MEGF11: variants seen among roughly 807,000 people sequenced by gnomAD.
The protein encoded by MEGF11 is multiple epidermal growth factor-like domains protein 11.
In MEGF11, 126 loss-of-function variants were observed where a neutral mutation model predicts 146.6. The ratio of observed to expected loss-of-function variants is 0.86; its 90% CI spans 0.74 to 1.00. MEGF11 has a LOEUF of 1.00. Ranked by LOEUF, MEGF11 falls within the 50% of genes least tolerant of loss-of-function variation. The probability of loss-of-function intolerance (pLI) is 0.00; values close to 1 mark genes in which losing one functional copy is unlikely to be tolerated. For synonymous variants in MEGF11, 532 were observed against 583.4 expected (o/e 0.91, Z 1.27); for missense variants, 1,509 against 1,521.2 (o/e 0.99, Z 0.13).
chr15:65,906,985 ATTGT>A (rs1478836414), intron 23 of MEGF11, among the ~76,000 whole-genome samples: 1 of 152,180 alleles, frequency 6.6e-6, no homozygotes, highest in African/African-American at 2.4e-5. Context: ...CAGAAAAGAA[ATTGT>A]TTGGCATTTC....
chr15:66,013,661 C>A (rs2082782843), intron 5 of MEGF11, among the ~76,000 whole-genome samples: 1 of 152,034 alleles, frequency 6.6e-6, no homozygotes, highest in East Asian at 1.9e-4. Context: ...CATCATGATT[C>A]TTTTGAAGGA....
rs76602618 is a variant in MEGF11 at position 66,097,631 on chromosome 15, C to G, written c.302-3137G>C. On this transcript the variant is annotated intron_variant, in intron 4 of 25. Transcript: ENST00000395614. The stretch of plus-strand genomic sequence containing the variant: ...ACCAGCCGTGTGATGGGGCCAGCCA[C>G]TCACCCTCTCCTGGCCCCACCAAGA... 1.5e-3 allele frequency among the ~76,000 whole-genome samples: 227 copies of G among 152,158 alleles called. 2 individuals carry two copies. The highest frequency in any genetic ancestry group is 1.5e-3 in the East Asian group (8 of 5,174).
At chr15:66,020,333 T>C (rs1945870310) in intron 5 of MEGF11, among the ~76,000 whole-genome samples, 1 of 152,120 alleles carries the variant, frequency 6.6e-6, no homozygotes, top group South Asian at 2.1e-4. Context: ...TGCTATTACT[T>C]GGGAAGAGAA....
intron 5 of MEGF11, among the ~76,000 whole-genome samples, chr15:66,003,687 C>G (rs1301715523): frequency 6.6e-6 from 1 of 152,168 alleles, no homozygotes; most frequent in African/African-American, 2.4e-5. Context: ...ACTGCCCTGC[C>G]AAGAGCCTCT....
rs933209688 is a variant in MEGF11, at chr15:65,932,834, C to T, written c.1288-1891G>A. Among the ~76,000 whole-genome samples, 6 of 152,166 alleles carry T rather than the reference C, an allele frequency of 3.9e-5. No homozygotes were observed. The East Asian group carries it at 1.2e-3, about 30-fold the overall frequency. Reference sequence around the variant, plus strand: ...TCTCCAGCCAGCGTCTCAGGCCTTACACCTAAGCTTTCCGTGGGAATCCTG... The same window carrying T: ...TCTCCAGCCAGCGTCTCAGGCCTTATACCTAAGCTTTCCGTGGGAATCCTG... On this transcript the variant is annotated intron_variant, in intron 10 of 25. Coordinates refer to ENST00000395614, the MANE Select transcript of MEGF11 (RefSeq NM_001385028.1).
intron 5 of MEGF11, among the ~76,000 whole-genome samples, chr15:65,994,073 G>A (rs1303629058): frequency 6.6e-6 from 1 of 152,168 alleles, no homozygotes; most frequent in Admixed American, 6.5e-5. Context: ...CTGTGTTTTC[G>A]ACCTGGATCC....
At chr15:65,944,051 A>G (rs112614354) in intron 10 of MEGF11, among the ~76,000 whole-genome samples, 2,822 of 152,294 alleles carry the variant, frequency 0.019, 49 homozygotes, top group Non-Finnish European at 0.026. Flanking sequence ...GTGCATTCAC[A>G]TTTTAGGGGA....
chr15:66,059,067 G>C (rs1420359466), intron 5 of MEGF11, among the ~76,000 whole-genome samples: 1 of 152,124 alleles, frequency 6.6e-6, no homozygotes, highest in African/African-American at 2.4e-5. Flanking sequence ...CCCAGTGACT[G>C]TTGAATATTT....
intron 19 of MEGF11, chr15:65,914,239 G>T (rs556222585): frequency 1.6e-4 from 86 of 534,630 alleles, no homozygotes; most frequent in African/African-American, 1.4e-3. Context: ...CCAAAAATGA[G>T]TTAACAGATA....
intron 1 of MEGF11, among the ~76,000 whole-genome samples, chr15:66,135,351 C>T (rs1183603359): frequency 6.6e-6 from 1 of 152,236 alleles, no homozygotes; most frequent in Admixed American, 6.5e-5. Flanking sequence ...ATTATCAAGG[C>T]AGATCTCATC....
intron 1 of MEGF11, among the ~76,000 whole-genome samples, chr15:66,143,404 C>T (rs2089244836): frequency 2.0e-5 from 3 of 152,162 alleles, no homozygotes; most frequent in Admixed American, 6.5e-5. Context: ...GATTAGGCCC[C>T]GGAATCCACC....
intron 5 of MEGF11, among the ~76,000 whole-genome samples, chr15:66,063,886 G>C (rs1289761124): frequency 4.6e-5 from 7 of 152,194 alleles, no homozygotes; most frequent in Non-Finnish European, 1.0e-4. Flanking sequence ...TTGTGATTGG[G>C]TATGACTATC....
intron 10 of MEGF11, among the ~76,000 whole-genome samples, chr15:65,939,517 CAG>C (rs2079906559): frequency 7.2e-6 from 1 of 138,214 alleles, no homozygotes; most frequent in Non-Finnish European, 1.5e-5. Context: ...TTTTTGGAGA[CAG>C]AGTCTCGCTC....
At chr15:66,207,466 A>G (rs1371978673) in intron 1 of MEGF11, among the ~76,000 whole-genome samples, 2 of 152,238 alleles carry the variant, frequency 1.3e-5, no homozygotes, top group African/African-American at 4.8e-5. Flanking sequence ...ACTACTATAC[A>G]AAAATGAATA....
At chr15:66,017,864 G>A (rs2082948199) in intron 5 of MEGF11, among the ~76,000 whole-genome samples, 1 of 152,234 alleles carries the variant, frequency 6.6e-6, no homozygotes, top group African/African-American at 2.4e-5. Context: ...AGAAGGACTG[G>A]GGTGCTGATC....
rs2078829894 is a variant in MEGF11 at position 65,912,068 on chromosome 15, CAG to C, written c.2829+12_2829+13del. The C allele has an allele frequency of 1.3e-5, 16 of 1,225,296 alleles. No homozygotes were observed. Among genetic ancestry groups the C allele is most frequent in the Middle Eastern group, 3.1e-4 (1 of 3,218 alleles). The allele number at this position is 1,225,296 out of a possible 1,614,324, so 75.9% of individuals were successfully genotyped here. A position where few individuals can be genotyped will look rare whatever the true frequency, so the allele number is the denominator to read the frequency against. On this transcript the variant is annotated intron_variant, in intron 21 of 25. Transcript: ENST00000395614. ...GGGCAGTGAGTGGGGGCTGGGGAATCAGGGGCCCGGTACCTTGGTGGGGCTGT... is the reference window on the plus strand; with the variant it reads ...GGGCAGTGAGTGGGGGCTGGGGAATCGGGCCCGGTACCTTGGTGGGGCTGT...
At chr15:65,920,991 G>GGTTATGATTA (rs1276598707) in intron 15 of MEGF11, among the ~76,000 whole-genome samples, 1 of 152,154 alleles carries the variant, frequency 6.6e-6, no homozygotes, top group Non-Finnish European at 1.5e-5. Flanking sequence ...CGACATGTCA[G>GGTTATGATTA]GTTATGATTA....
chr15:66,082,127 G>T (rs2085883813), intron 5 of MEGF11, among the ~76,000 whole-genome samples: 2 of 152,186 alleles, frequency 1.3e-5, no homozygotes, highest in South Asian at 4.2e-4. Context: ...ACCCCTTCAG[G>T]GGCAGCATGG....
chr15:66,065,200 C>T (rs1267746127), intron 5 of MEGF11, among the ~76,000 whole-genome samples: 1 of 151,182 alleles, frequency 6.6e-6, no homozygotes, highest in African/African-American at 2.4e-5. Flanking sequence ...TATTCTTTGG[C>T]AGTTATCAGA....
Sources: gnomAD v4.1 joint callset for allele counts (sites outside exome capture counted in the v4.1 genomes callset) on GRCh38, gnomAD v4.1.1 for gene constraint, MANE v1.5 for transcripts, NCBI Gene and HGNC (gene_info 2026-07-23, HGNC 2026-07-21) for gene names.